Variants in LRBA observed in about 807,000 individuals in gnomAD.
LRBA encodes lipopolysaccharide-responsive and beige-like anchor protein.
Under a neutral mutation model 330.0 loss-of-function variants are expected in LRBA, and 176 were observed. That is an observed-to-expected ratio of 0.53 (90% CI 0.47 to 0.60). The LOEUF is 0.60. Ranked by LOEUF, LRBA falls within the 20% of genes least tolerant of loss-of-function variation. The pLI, the probability that LRBA is intolerant of heterozygous loss-of-function variation, is 0.00. For synonymous variants in LRBA, 1,230 were observed against 1,193.0 expected (o/e 1.03, Z -0.64); for missense variants, 3,259 against 3,444.8 (o/e 0.95, Z 1.35).
At chr4:150,792,682 T>G (rs905444144) in intron 34 of LRBA, among the ~76,000 whole-genome samples, 8 of 152,146 alleles carry the variant, frequency 5.3e-5, no homozygotes, top group African/African-American at 1.9e-4. Context: ...AATGTTTTTC[T>G]TTTTGGTAGA....
At chr4:150,619,539 G>A (rs1053935197) in intron 37 of LRBA, among the ~76,000 whole-genome samples, 1 of 152,098 alleles carries the variant, frequency 6.6e-6, no homozygotes, top group Non-Finnish European at 1.5e-5. Context: ...ACATATTCAA[G>A]TCTGTTTATA....
intron 53 of LRBA, among the ~76,000 whole-genome samples, chr4:150,287,570 T>C (rs1270112902): frequency 6.6e-6 from 1 of 152,218 alleles, no homozygotes; most frequent in East Asian, 1.9e-4. Context: ...CCAGAGTACA[T>C]AATGCACGGC....
At chr4:150,918,668 T>C (rs1046992330) in intron 5 of LRBA, among the ~76,000 whole-genome samples, 3 of 152,286 alleles carry the variant, frequency 2.0e-5, no homozygotes, top group East Asian at 1.9e-4. Flanking sequence ...AAGAATCGCT[T>C]GAACCGGGAG....
At chr4:150,502,450 A>G (rs867384034) in intron 40 of LRBA, among the ~76,000 whole-genome samples, 2 of 152,360 alleles carry the variant, frequency 1.3e-5, no homozygotes, top group Middle Eastern at 3.4e-3. Context: ...CTGGCATTCA[A>G]TTCATAATTA....
At chr4:150,799,670 A>C (rs1478056253) in intron 33 of LRBA, among the ~76,000 whole-genome samples, 1 of 152,186 alleles carries the variant, frequency 6.6e-6, no homozygotes, top group Non-Finnish European at 1.5e-5. Flanking sequence ...AAAGACCTTA[A>C]GCTATCCAAA....
intron 47 of LRBA, among the ~76,000 whole-genome samples, chr4:150,391,569 T>C (rs192181580): frequency 2.6e-4 from 40 of 152,276 alleles, no homozygotes; most frequent in African/African-American, 9.1e-4. Flanking sequence ...AAACTGTTAC[T>C]AGATTCCTAC....
At chr4:150,979,523 T>C (rs1302467941) in intron 2 of LRBA, among the ~76,000 whole-genome samples, 1 of 152,082 alleles carries the variant, frequency 6.6e-6, no homozygotes, top group Non-Finnish European at 1.5e-5. Flanking sequence ...GGCATATAAA[T>C]TACTCTTAAG....
At chr4:150,536,201 A>T (rs2152212772) in intron 40 of LRBA, among the ~76,000 whole-genome samples, 1 of 152,338 alleles carries the variant, frequency 6.6e-6, no homozygotes, top group South Asian at 2.1e-4. Flanking sequence ...TACAATGAGG[A>T]TTCCCAGATT....
intron 47 of LRBA, among the ~76,000 whole-genome samples, chr4:150,399,604 G>C (rs572371896): frequency 6.6e-6 from 1 of 152,270 alleles, no homozygotes; most frequent in South Asian, 2.1e-4. Flanking sequence ...ACTTAAAAGA[G>C]AACACAGGAG....
Position 150,671,000 on chromosome 4 carries a change from ATGTGTGTGTGTGTG to A in LRBA, c.5921+12537_5921+12550del, listed in dbSNP as rs57937053. Among the ~76,000 whole-genome samples, 6 of 106,828 alleles carry A rather than the reference ATGTGTGTGTGTGTG, an allele frequency of 5.6e-5. No individual in the cohort carries two copies. In the East Asian group the frequency reaches 1.3e-3, roughly 23 times the overall value. The allele number at this position is 106,828 out of a possible 152,430, so 70.1% of individuals were successfully genotyped here. A position where few individuals can be genotyped will look rare whatever the true frequency, so the allele number is the denominator to read the frequency against. ...TTCACTTTGTCCCACAACATAGCTG[ATGTGTGTGTGTGTG>A]TGTGTGTGTGTGTGTGTGTGTGTGT... On this transcript the variant is annotated intron_variant, in intron 37 of 56. Transcript: ENST00000651943.
intron 37 of LRBA, among the ~76,000 whole-genome samples, chr4:150,661,175 A>G (rs1001412247): frequency 2.4e-4 from 37 of 151,834 alleles, no homozygotes; most frequent in Admixed American, 1.1e-3. Context: ...TTGACTATGT[A>G]AAAAGCAAAC....
Position 150,264,498 on chromosome 4 carries a change from A to AC in LRBA, c.*1223_*1224insG, listed in dbSNP as rs1282888073. On this transcript the variant is annotated 3_prime_UTR_variant, in exon 57 of 57. Transcript: ENST00000651943. ...ATGATGTTTAAAATTTAGGAGCAAA[A>AC]AAGGCATTTCCAACAATTCAATTAC... The AC allele has an allele frequency of 3.9e-5, 6 of 152,338 alleles. No individual in the cohort carries two copies. Among genetic ancestry groups the AC allele is most frequent in the East Asian group, 1.9e-4 (1 of 5,182 alleles). The allele number at this position is 152,338 out of a possible 1,614,324, so 9.4% of individuals were successfully genotyped here.
chr4:150,717,475 T>C (rs1728352903), intron 36 of LRBA, among the ~76,000 whole-genome samples: 1 of 151,516 alleles, frequency 6.6e-6, no homozygotes, highest in Non-Finnish European at 1.5e-5. Context: ...CTGGGCAATA[T>C]GACAAAACCG....
intron 37 of LRBA, among the ~76,000 whole-genome samples, chr4:150,602,656 A>C (rs144082638): frequency 6.6e-6 from 1 of 152,264 alleles, no homozygotes; most frequent in African/African-American, 2.4e-5. Flanking sequence ...TCTTCAACTT[A>C]CTTTCTTCAC....
chr4:150,653,378 TTAATC>T (rs1779888334), intron 37 of LRBA, among the ~76,000 whole-genome samples: 1 of 152,182 alleles, frequency 6.6e-6, no homozygotes, highest in Admixed American at 6.5e-5. Context: ...TTGCCATGCT[TTAATC>T]TATTATACTT....
intron 47 of LRBA, among the ~76,000 whole-genome samples, chr4:150,350,714 C>T (rs936864207): frequency 3.9e-5 from 6 of 152,112 alleles, no homozygotes. Context: ...ACCGTACTGA[C>T]AGCACTGAGG....
intron 36 of LRBA, chr4:150,721,142 G>A (rs1728875050): frequency 1.7e-6 from 1 of 588,572 alleles, no homozygotes; most frequent in Non-Finnish European, 3.3e-6. Context: ...AAGCATTTGA[G>A]CAATGTGCAA....
intron 33 of LRBA, among the ~76,000 whole-genome samples, chr4:150,805,323 G>A (rs1479198962): frequency 1.6e-5 from 2 of 122,864 alleles, no homozygotes; most frequent in Non-Finnish European, 1.6e-5. Flanking sequence ...GGAAAGGAAA[G>A]GAAAGGAAAG....
chr4:150,422,796 A>C, intron 46 of LRBA: 1 of 1,469,474 alleles, frequency 6.8e-7, no homozygotes, highest in Non-Finnish European at 9.5e-7. Context: ...GTAGACCTGC[A>C]TGTGCTGCGG....
Sources: gnomAD v4.1 joint callset for allele counts (sites outside exome capture counted in the v4.1 genomes callset) on GRCh38, gnomAD v4.1.1 for gene constraint, MANE v1.5 for transcripts, NCBI Gene and HGNC (gene_info 2026-07-23, HGNC 2026-07-21) for gene names.